Variants in HSPG2 observed in about 807,000 individuals in gnomAD.
HSPG2 encodes basement membrane-specific heparan sulfate proteoglycan core protein.
HSPG2 carries 278 observed loss-of-function variants against 526.6 expected under a neutral mutation model. The observed-to-expected ratio is 0.53, with a 90% CI of 0.48 to 0.58. The LOEUF is 0.58. Ranked by LOEUF, HSPG2 falls within the 20% of genes least tolerant of loss-of-function variation. The probability of loss-of-function intolerance (pLI) is 0.00; values close to 1 mark genes in which losing one functional copy is unlikely to be tolerated. For missense variants in HSPG2, 5,354 were observed against 6,099.5 expected, an observed-to-expected ratio of 0.88 and a Z score of 4.07; for synonymous variants, 2,465 against 2,555.4, an observed-to-expected ratio of 0.96 and a Z score of 1.07.
chr1:21,826,239 C>T (rs577657649), intron 91 of HSPG2, among the ~76,000 whole-genome samples: 198 of 151,774 alleles, frequency 1.3e-3, no homozygotes, highest in African/African-American at 4.5e-3. Context: ...CCAGCTAATT[C>T]TTAAATTTCT....
Position 21,847,872 on chromosome 1 carries a change from A to T in HSPG2, c.7874-32T>A. 45 of 1,613,882 alleles carry T rather than the reference A, an allele frequency of 2.8e-5. No homozygotes were observed. Among genetic ancestry groups the T allele is most frequent in the Non-Finnish European group, 3.8e-5 (45 of 1,180,024 alleles). ...ACAGACGGGTGTGGACCACGCAGCC[A>T]GAGTGAGATAACAGTGATGGCACCG... is the stretch of plus-strand genomic sequence containing the variant. On this transcript the variant is annotated intron_variant, in intron 60 of 96. Coordinates refer to ENST00000374695, the MANE Select transcript of HSPG2 (RefSeq NM_005529.7). This position sits in a 1 kb window ranked among gnomAD's most constrained non-coding sequence, Gnocchi z 4.1.
intron 21 of HSPG2, among the ~76,000 whole-genome samples, chr1:21,877,059 C>CAAAAAAAAAAAAA (rs3077630): frequency 1.2e-4 from 12 of 103,010 alleles, no homozygotes; most frequent in African/African-American, 3.1e-4. Context: ...GACTCCATCT[C>CAAAAAAAAAAAAA]AAAAAAAAAA....
In HSPG2 at chr1:21,895,190, G is replaced by A. The variant is rs1642661086; in HGVS notation, c.244+732C>T. Among the ~76,000 whole-genome samples, 1 of 152,204 alleles carries A rather than the reference G, an allele frequency of 6.6e-6. No individual in the cohort carries two copies. The highest frequency in any genetic ancestry group is 1.5e-5 in the Non-Finnish European group (1 of 68,024). On this transcript the variant is annotated intron_variant, in intron 3 of 96. Coordinates refer to ENST00000374695, the MANE Select transcript of HSPG2 (RefSeq NM_005529.7). The surrounding 1 kb of genome is among the most constrained non-coding windows in gnomAD (Gnocchi z 4.1). ...TGCTCCATCCTTGGCCCTGGTCACA[G>A]ATTGTCCCAGGAGCTGCCTCCCAGA...
chr1:21,842,327 C>T lies in HSPG2; in HGVS notation c.8964G>A (p.Glu2988=). 6.2e-7 allele frequency: 1 copy of T among 1,612,402 alleles called. No homozygotes were observed. The highest frequency in any genetic ancestry group is 1.1e-5 in the South Asian group (1 of 90,960). The change falls in exon 68 of 97, where the codon GAG becomes GAA. Residue 2988 remains glutamate, a synonymous_variant. Coordinates refer to ENST00000374695, the MANE Select transcript of HSPG2 (RefSeq NM_005529.7). ...GGCCGCTGGCTGCACGACACACATA[C>T]TCGCCTGAGTCGGCAGGGGAGACGA... ...LHLVSPADSG[E]YVCRAASGPG...
chr1:21,851,994 C>T lies in HSPG2; in HGVS notation c.6871-68G>A, dbSNP rs1413357867. 6.2e-6 allele frequency: 10 copies of T among 1,610,032 alleles called. No individual in the cohort carries two copies. The East Asian group carries it at 1.3e-4, about 22-fold the overall frequency. On this transcript the variant is annotated intron_variant, in intron 53 of 96. Transcript: ENST00000374695. ...GCCAGCAAATGCCCCACCGCTGTCC[C>T]CCCGATCTAGGAAGTGCCAGCCCCT...
rs765841112 is a variant in HSPG2, at chr1:21,857,069, T to A, written c.5521A>T (p.Thr1841Ser). The change falls in exon 44 of 97, where the codon ACC becomes TCC. Residue 1841 changes from threonine (T) to serine (S), a missense_variant. Physicochemically the swap from Thr to Ser is moderately conservative, Grantham distance 58 (BLOSUM62 1). Coordinates refer to ENST00000374695, the MANE Select transcript of HSPG2 (RefSeq NM_005529.7). ...QLSDAGTYVC[T>S]GSNMFAMDQG... ...TCCATGGCAAACATGTTGGAGCCGG[T>A]GCACACGTAGGTGCCTGCATCACTC... The A allele has an allele frequency of 1.2e-6, 2 of 1,614,060 alleles. No homozygotes were observed. The highest frequency in any genetic ancestry group is 2.7e-5 in the African/African-American group (2 of 74,900).
rs370653253 is a variant in HSPG2, at chr1:21,860,160, G to A, written c.5014+17C>T. ...GCCTTGCCCATCGTCCCCATCCTGGGCCATGGTCCCACTTACTCTCTGGCA... is the reference window on the plus strand; with the variant it reads ...GCCTTGCCCATCGTCCCCATCCTGGACCATGGTCCCACTTACTCTCTGGCA... On this transcript the variant is annotated intron_variant, in intron 40 of 96. Coordinates refer to ENST00000374695, the MANE Select transcript of HSPG2 (RefSeq NM_005529.7). 11 of 1,613,500 alleles carry A rather than the reference G, an allele frequency of 6.8e-6. No homozygotes were observed. The highest frequency in any genetic ancestry group is 9.3e-6 in the Non-Finnish European group (11 of 1,179,638).
chr1:21,909,020 A>G (rs960334667), intron 1 of HSPG2, among the ~76,000 whole-genome samples: 2 of 152,244 alleles, frequency 1.3e-5, no homozygotes, highest in Non-Finnish European at 1.5e-5. Context: ...AGGCAGGAGA[A>G]TCGCTTGAAC....
In HSPG2 at chr1:21,823,716, C is replaced by T. The variant is rs1170234310; in HGVS notation, c.12903G>A (p.Glu4301=). The change falls in exon 96 of 97, where the codon GAG becomes GAA. Residue 4301 remains glutamate, a synonymous_variant. Coordinates refer to ENST00000374695, the MANE Select transcript of HSPG2 (RefSeq NM_005529.7). ...CGACTTGGATGGAACCTCTGCGGCC[C>T]TCCCTGCAGTGGAACTGGGTCAGGC... ...GEWHRVTALR[E]GRRGSIQVDG... 6.2e-7 allele frequency: 1 copy of T among 1,612,890 alleles called. No homozygotes were observed. The highest frequency in any genetic ancestry group is 8.5e-7 in the Non-Finnish European group (1 of 1,179,658).
chr1:21,829,983 C>T lies in HSPG2; in HGVS notation c.11770+10G>A, dbSNP rs746954804. The T allele has an allele frequency of 3.9e-5, 62 of 1,600,180 alleles. No individual in the cohort carries two copies. The highest frequency in any genetic ancestry group is 5.1e-5 in the Admixed American group (3 of 58,550). ...AGGACCCTGGGGGTCTCAGGCCTGG[C>T]TCCCCTCACCTTCCTCACACCGCAA... On this transcript the variant is annotated intron_variant, in intron 86 of 96. Transcript: ENST00000374695.
At chr1:21,886,884 G>A (rs777660825) in intron 9 of HSPG2, among the ~76,000 whole-genome samples, 7 of 152,040 alleles carry the variant, frequency 4.6e-5, no homozygotes, top group African/African-American at 7.2e-5. Context: ...CCATTCATCC[G>A]ACCCACATAC....
intron 62 of HSPG2, among the ~76,000 whole-genome samples, chr1:21,846,961 C>T (rs757147103): frequency 6.6e-6 from 1 of 151,914 alleles, no homozygotes; most frequent in East Asian, 1.9e-4. Context: ...GATCGCGCCA[C>T]TGCACTCCAG....
At chr1:21,906,266 G>C (rs1168530288) in intron 1 of HSPG2, among the ~76,000 whole-genome samples, 2 of 152,208 alleles carry the variant, frequency 1.3e-5, no homozygotes, top group Non-Finnish European at 2.9e-5. Flanking sequence ...GGGGTGGGTG[G>C]GGGCCTCGGA....
chr1:21,825,636 C>T (rs973380765), intron 91 of HSPG2, among the ~76,000 whole-genome samples: 48 of 152,200 alleles, frequency 3.2e-4, no homozygotes, highest in African/African-American at 1.2e-3. Flanking sequence ...CTGCTACCCT[C>T]CACCAAATGA....
At position 21,823,236 on chromosome 1, in the gene HSPG2, CATAATAATATTAATA is replaced by C; in HGVS notation, c.*65_*79del. On this transcript the variant is annotated 3_prime_UTR_variant, in exon 97 of 97. Coordinates refer to ENST00000374695, the MANE Select transcript of HSPG2 (RefSeq NM_005529.7). The stretch of plus-strand genomic sequence containing the variant: ...ATCGCCTCGGTTTCTTACAAAAATT[CATAATAATATTAATA>C]ATAATATACTCGACATTGTCGGGCT... 2 of 1,278,778 alleles carry C rather than the reference CATAATAATATTAATA, an allele frequency of 1.6e-6. No homozygotes were observed. Among genetic ancestry groups the C allele is most frequent in the Non-Finnish European group, 2.1e-6 (2 of 975,248 alleles). The allele number at this position is 1,278,778 out of a possible 1,614,324, so 79.2% of individuals were successfully genotyped here. A position where few individuals can be genotyped will look rare whatever the true frequency, so the allele number is the denominator to read the frequency against.
At chr1:21,908,502 C>T (rs146512799) in intron 1 of HSPG2, 17 of 935,506 alleles carry the variant, frequency 1.8e-5, no homozygotes, top group Non-Finnish European at 1.8e-6. Flanking sequence ...CTGCTCCACC[C>T]AGCAAAGCAC....
At position 21,890,526 on chromosome 1, in the gene HSPG2, C is replaced by A. The variant is rs761566905; in HGVS notation, c.355-41G>T. On this transcript the variant is annotated intron_variant, in intron 4 of 96. Transcript: ENST00000374695. This position sits in a 1 kb window ranked among gnomAD's most constrained non-coding sequence, Gnocchi z 4.1. ...GTGCCATCAGCCCCAGAGGCCTTCA[C>A]CCCATCCTCGGTCCTGCCCCGCCAC... The A allele has an allele frequency of 1.2e-6, 2 of 1,611,348 alleles. No individual in the cohort carries two copies. Among genetic ancestry groups the A allele is most frequent in the Non-Finnish European group, 1.7e-6 (2 of 1,177,594 alleles).
chr1:21,877,941 C>T (rs1201758842), intron 21 of HSPG2, among the ~76,000 whole-genome samples: 1 of 152,232 alleles, frequency 6.6e-6, no homozygotes, highest in Non-Finnish European at 1.5e-5. Context: ...AATGCAGATA[C>T]AAAGGCTGCA....
chr1:21,872,051 C>T lies in HSPG2; in HGVS notation c.4221+135G>A, dbSNP rs1640691678. The T allele has an allele frequency of 2.3e-6, 2 of 876,754 alleles. No homozygotes were observed. Among genetic ancestry groups the T allele is most frequent in the Admixed American group, 2.0e-5 (1 of 48,906 alleles). The allele number at this position is 876,754 out of a possible 1,614,324, so 54.3% of individuals were successfully genotyped here. Reference sequence around the variant, plus strand: ...GCAGAGCTGGGGTTCAGACCAATGTCTATGGGACTGCAAAAGCCACGTGCC... The same window carrying T: ...GCAGAGCTGGGGTTCAGACCAATGTTTATGGGACTGCAAAAGCCACGTGCC... On this transcript the variant is annotated intron_variant, in intron 33 of 96. Coordinates refer to ENST00000374695, the MANE Select transcript of HSPG2 (RefSeq NM_005529.7). The surrounding 1 kb of genome is among the most constrained non-coding windows in gnomAD (Gnocchi z 5.5).
Sources: allele counts gnomAD v4.1 joint callset (sites outside exome capture counted in the v4.1 genomes callset), GRCh38; gene constraint gnomAD v4.1.1; non-coding constraint Gnocchi (gnomAD v3.1); transcripts MANE v1.5; gene names NCBI Gene and HGNC (gene_info 2026-07-23, HGNC 2026-07-21).